The following ARRDC4 variants were observed in gnomAD, a reference collection of about 807,000 sequenced individuals.
The protein encoded by ARRDC4 is arrestin domain containing 4.
A neutral mutation model predicts 44.6 loss-of-function variants in ARRDC4; 40 were observed. The ratio of observed to expected loss-of-function variants is 0.90; its 90% CI spans 0.70 to 1.17. The LOEUF is 1.17. ARRDC4 is among the 50% of genes most tolerant of loss of function. The pLI is 0.00. For synonymous variants in ARRDC4, 211 were observed against 221.2 expected (o/e 0.95, Z 0.41); for missense variants, 550 against 559.1 (o/e 0.98, Z 0.16).
rs1899418701 is a variant in ARRDC4, at chr15:97,966,275, TC to T, written c.522+234del. Among the ~76,000 whole-genome samples, 1 of 152,198 alleles carries T rather than the reference TC, an allele frequency of 6.6e-6. No homozygotes were observed. The highest frequency in any genetic ancestry group is 2.1e-4 in the South Asian group (1 of 4,826). ...ATACTATTGATTATGTCCCTGCTGT[TC>T]AGGGCTTCTTTTGCCAAAAAGTTAC... On this transcript the variant is annotated intron_variant, in intron 3 of 7. Coordinates refer to ENST00000268042, the MANE Select transcript of ARRDC4 (RefSeq NM_183376.3). This position sits in a 1 kb window ranked among gnomAD's most constrained non-coding sequence, Gnocchi z 4.7.
chr15:97,963,737 T>G (rs12440256), intron 1 of ARRDC4, among the ~76,000 whole-genome samples: 1 of 152,122 alleles, frequency 6.6e-6, no homozygotes, highest in Non-Finnish European at 1.5e-5. Context: ...GAGGATTATC[T>G]GCGGTGCCTG....
chr15:97,970,005 T>A lies in ARRDC4; in HGVS notation c.1005T>A (p.Asp335Glu). 1 of 1,613,302 alleles carries A rather than the reference T, an allele frequency of 6.2e-7. No individual in the cohort carries two copies. Among genetic ancestry groups the A allele is most frequent in the Admixed American group, 1.7e-5 (1 of 59,912 alleles). Residue 335 changes from aspartate (D) to glutamate (E), a missense_variant, in exon 6 of 8, where the codon GAT becomes GAA. Coordinates refer to ENST00000268042, the MANE Select transcript of ARRDC4 (RefSeq NM_183376.3). This position sits in a 1 kb window ranked among gnomAD's most constrained non-coding sequence, Gnocchi z 4.2. ...GCATTGCCAGCCAGTTCAGTATGGA[T>A]ATGAGCTGGTTGACACTGACCCTGC... ...NSSIASQFSMDMSWLTLTLPE... is the reference protein window; with the variant it reads ...NSSIASQFSMEMSWLTLTLPE...
At chr15:97,969,045 G>A in intron 4 of ARRDC4, 78 bp from the exon 5 acceptor site, 1 of 1,415,004 alleles carries the variant, frequency 7.1e-7, no homozygotes. Flanking sequence ...GAACATTTCA[G>A]CTATACGGCC....
At chr15:97,961,585 A>T (rs890511415) in intron 1 of ARRDC4, among the ~76,000 whole-genome samples, 1 of 152,302 alleles carries the variant, frequency 6.6e-6, no homozygotes, top group Admixed American at 6.5e-5. Context: ...CCTATCCTGC[A>T]TACGTTCTTG....
chr15:97,970,766 A>C lies in ARRDC4; in HGVS notation c.1200+23A>C. Reference sequence around the variant, plus strand: ...GAGGTAAGCAAAGCAAAAGAAAATTAGACTTTTACTGTATTATTTTCAAAT... The same window carrying C: ...GAGGTAAGCAAAGCAAAAGAAAATTCGACTTTTACTGTATTATTTTCAAAT... On this transcript the variant is annotated intron_variant, in intron 7 of 7. Coordinates refer to ENST00000268042, the MANE Select transcript of ARRDC4 (RefSeq NM_183376.3). This position sits in a 1 kb window ranked among gnomAD's most constrained non-coding sequence, Gnocchi z 4.2. 6.3e-7 allele frequency: 1 copy of C among 1,598,988 alleles called. No individual in the cohort carries two copies. The highest frequency in any genetic ancestry group is 1.1e-5 in the South Asian group (1 of 89,562).
intron 1 of ARRDC4, 58 bp downstream of exon 1, chr15:97,961,226 T>C: frequency 7.5e-7 from 1 of 1,336,390 alleles, no homozygotes; most frequent in Non-Finnish European, 9.5e-7. Flanking sequence ...GGGGAGGGGC[T>C]GGGAGGCCGC....
At position 97,970,653 on chromosome 15, in the gene ARRDC4, T is replaced by C. The variant is rs1436457283; in HGVS notation, c.1110T>C (p.Pro370=). Residue 370 remains proline (P), a synonymous_variant, in exon 7 of 8, where the codon CCT becomes CCC. Coordinates refer to ENST00000268042, the MANE Select transcript of ARRDC4 (RefSeq NM_183376.3). This position sits in a 1 kb window ranked among gnomAD's most constrained non-coding sequence, Gnocchi z 4.2. ...EEFSRHIPPY[P]QPPNCEGEVC... is the part of the protein sequence containing the mutation. ...TCTCTAGACACATTCCTCCTTACCC[T>C]CAACCCCCTAACTGTGAGGGAGAAG... 1 of 1,613,412 alleles carries C rather than the reference T, an allele frequency of 6.2e-7. No homozygotes were observed. Among genetic ancestry groups the C allele is most frequent in the Non-Finnish European group, 8.5e-7 (1 of 1,179,598 alleles).
chr15:97,969,328 T>TAA lies in ARRDC4; in HGVS notation c.832_833insAA (p.Thr278LysfsTer17). 6.2e-7 allele frequency: 1 copy of TAA among 1,613,892 alleles called. No individual in the cohort carries two copies. The highest frequency in any genetic ancestry group is 8.5e-7 in the Non-Finnish European group (1 of 1,179,830). ...GGAAAACGCTAAAAATCCCACCTGT[T>TAA]ACTCCATCCATCCTGGATTGCTGCA... On this transcript the variant is annotated frameshift_variant, in exon 5 of 8. Coordinates refer to ENST00000268042, the MANE Select transcript of ARRDC4 (RefSeq NM_183376.3). LOFTEE classifies it high-confidence loss of function.
rs1899302223 is a variant in ARRDC4 at position 97,960,992 on chromosome 15, TGGAGGCGTCCGAGCC to T, written c.134_148del (p.Glu45_Pro49del). ...GAGACAGTGGCCGGGCACGTGCTGC[TGGAGGCGTCCGAGCC>T]GGTGGCCCTGCGCGCGCTGCGCCTG... is the stretch of plus-strand genomic sequence containing the variant. On this transcript the variant is annotated inframe_deletion, in exon 1 of 8. Transcript: ENST00000268042. The T allele has an allele frequency of 6.9e-7, 1 of 1,454,840 alleles. No homozygotes were observed. The highest frequency in any genetic ancestry group is 1.5e-5 in the African/African-American group (1 of 68,154). 90.1% of individuals were successfully genotyped at this position (1,454,840 alleles called of 1,614,324 possible).
rs922132796 is a variant in ARRDC4 at position 97,965,544 on chromosome 15, A to G, written c.308-56A>G. On this transcript the variant is annotated intron_variant, in intron 1 of 7. Transcript: ENST00000268042. The surrounding 1 kb of genome is among the most constrained non-coding windows in gnomAD (Gnocchi z 5.1). The stretch of plus-strand genomic sequence containing the variant: ...TTCAAAAAATTATTTACATTGTGAA[A>G]ACTCTTGATCTAATACTAACTATCC... 4 of 1,404,574 alleles carry G rather than the reference A, an allele frequency of 2.8e-6. No homozygotes were observed. In the Admixed American group the frequency reaches 7.2e-5, roughly 25 times the overall value. The allele number at this position is 1,404,574 out of a possible 1,614,324, so 87.0% of individuals were successfully genotyped here.
chr15:97,970,116 T>C lies in ARRDC4; in HGVS notation c.1045+71T>C, dbSNP rs934292154. The stretch of plus-strand genomic sequence containing the variant: ...ATACCTAGGAACAGAATATATACAC[T>C]ATTAAGTGCTCAGATGTTGATGAGT... On this transcript the variant is annotated intron_variant, in intron 6 of 7. Transcript: ENST00000268042. The surrounding 1 kb of genome is among the most constrained non-coding windows in gnomAD (Gnocchi z 4.2). The C allele has an allele frequency of 1.2e-5, 18 of 1,455,484 alleles. No individual in the cohort carries two copies. Among genetic ancestry groups the C allele is most frequent in the Non-Finnish European group, 1.7e-5 (18 of 1,074,594 alleles). 90.2% of individuals were successfully genotyped at this position (1,455,484 alleles called of 1,614,324 possible).
At position 97,967,541 on chromosome 15, in the gene ARRDC4, GAAGT is replaced by G. The variant is rs1430602113; in HGVS notation, c.523-468_523-465del. ...AAATTTCTGCTTGATAATGCATTTT[GAAGT>G]AAGTGGTGGGAAAAGGCTGTTTGTT... On this transcript the variant is annotated intron_variant, in intron 3 of 7. Transcript: ENST00000268042. This position sits in a 1 kb window ranked among gnomAD's most constrained non-coding sequence, Gnocchi z 5.0. Among the ~76,000 whole-genome samples, 1 of 152,030 alleles carries G rather than the reference GAAGT, an allele frequency of 6.6e-6. No homozygotes were observed. Among genetic ancestry groups the G allele is most frequent in the African/African-American group, 2.4e-5 (1 of 41,380 alleles).
rs1044663459 is a variant in ARRDC4 at position 97,972,832 on chromosome 15, T to C, written c.*1645T>C. 6.6e-6 allele frequency: 1 copy of C among 152,638 alleles called. No individual in the cohort carries two copies. Among genetic ancestry groups the C allele is most frequent in the Admixed American group, 6.5e-5 (1 of 15,272 alleles). 9.5% of individuals were successfully genotyped at this position (152,638 alleles called of 1,614,324 possible). ...TTGGCCATTTGATCAGGGAATTTTC[T>C]ACACACATTAGGCAAATGTATGCTT... On this transcript the variant is annotated 3_prime_UTR_variant, in exon 8 of 8. Coordinates refer to ENST00000268042, the MANE Select transcript of ARRDC4 (RefSeq NM_183376.3). This position sits in a 1 kb window ranked among gnomAD's most constrained non-coding sequence, Gnocchi z 5.3.
In ARRDC4 at chr15:97,970,405, A is replaced by G. The variant is rs1017326589; in HGVS notation, c.1046-184A>G. ...TCAAGAGACTAGAATAGAAGCTATT[A>G]GTAGTAGTTTAATAAAAGGAGAATC... On this transcript the variant is annotated intron_variant, in intron 6 of 7. Transcript: ENST00000268042. This position sits in a 1 kb window ranked among gnomAD's most constrained non-coding sequence, Gnocchi z 4.2. Among the ~76,000 whole-genome samples, 2 of 152,190 alleles carry G rather than the reference A, an allele frequency of 1.3e-5. No homozygotes were observed. Among genetic ancestry groups the G allele is most frequent in the East Asian group, 1.9e-4 (1 of 5,198 alleles).
rs922852433 is a variant in ARRDC4 at position 97,971,433 on chromosome 15, A to G, written c.*246A>G. On this transcript the variant is annotated 3_prime_UTR_variant, in exon 8 of 8. Coordinates refer to ENST00000268042, the MANE Select transcript of ARRDC4 (RefSeq NM_183376.3). The stretch of plus-strand genomic sequence containing the variant: ...GGATGAAGATGTGCAAAGTCACAGA[A>G]TGTAATGGAAGTCCTGATGGTTACA... 1.0e-5 allele frequency: 5 copies of G among 484,670 alleles called. No individual in the cohort carries two copies. Among genetic ancestry groups the G allele is most frequent in the Non-Finnish European group, 1.1e-5 (3 of 266,362 alleles). The allele number at this position is 484,670 out of a possible 1,614,324, so 30.0% of individuals were successfully genotyped here.
Position 97,960,936 on chromosome 15 carries a change from G to A in ARRDC4, c.75G>A (p.Glu25=). 1 of 1,467,130 alleles carries A rather than the reference G, an allele frequency of 6.8e-7. No homozygotes were observed. Among genetic ancestry groups the A allele is most frequent in the South Asian group, 1.3e-5 (1 of 75,898 alleles). 90.9% of individuals were successfully genotyped at this position (1,467,130 alleles called of 1,614,324 possible). ...GRVKSLGLVF[E]DERKGCYSSG... is the part of the protein sequence containing the mutation. ...TGAAGAGCCTGGGTCTGGTGTTCGAGGACGAGCGCAAGGGCTGCTATTCCA... is the reference window on the plus strand; with the variant it reads ...TGAAGAGCCTGGGTCTGGTGTTCGAAGACGAGCGCAAGGGCTGCTATTCCA... Residue 25 remains glutamate (E), a synonymous_variant, in exon 1 of 8, where the codon GAG becomes GAA. Transcript: ENST00000268042.
Position 97,968,678 on chromosome 15 carries a change from C to CGGA in ARRDC4, c.626-445_626-444insGGA. Among the ~76,000 whole-genome samples, 1 of 152,170 alleles carries CGGA rather than the reference C, an allele frequency of 6.6e-6. No individual in the cohort carries two copies. Among genetic ancestry groups the CGGA allele is most frequent in the Non-Finnish European group, 1.5e-5 (1 of 68,022 alleles). ...TGCAGCCATAATGTTATAAAACTTG[C>CGGA]CTAATCCATCCGTTGATTCTTTCTG... On this transcript the variant is annotated intron_variant, in intron 4 of 7. Coordinates refer to ENST00000268042, the MANE Select transcript of ARRDC4 (RefSeq NM_183376.3). This position sits in a 1 kb window ranked among gnomAD's most constrained non-coding sequence, Gnocchi z 5.4.
In ARRDC4 at chr15:97,966,524, T is replaced by C. The variant is rs1467568692; in HGVS notation, c.522+482T>C. ...TCCTTCCATTTTGCATGTCATTTTC[T>C]AACATTAAGTAAGTGCATGCAGCTG... On this transcript the variant is annotated intron_variant, in intron 3 of 7. Transcript: ENST00000268042. This position sits in a 1 kb window ranked among gnomAD's most constrained non-coding sequence, Gnocchi z 4.7. Among the ~76,000 whole-genome samples, 2 of 152,204 alleles carry C rather than the reference T, an allele frequency of 1.3e-5. No homozygotes were observed. Among genetic ancestry groups the C allele is most frequent in the Admixed American group, 6.5e-5 (1 of 15,272 alleles).
In ARRDC4 at chr15:97,970,449, G is replaced by T; in HGVS notation, c.1046-140G>T. The T allele has an allele frequency of 1.3e-6, 1 of 789,830 alleles. No homozygotes were observed. The highest frequency in any genetic ancestry group is 2.0e-5 in the South Asian group (1 of 50,664). 48.9% of individuals were successfully genotyped at this position (789,830 alleles called of 1,614,324 possible). A position where few individuals can be genotyped will look rare whatever the true frequency, so the allele number is the denominator to read the frequency against. On this transcript the variant is annotated intron_variant, in intron 6 of 7. Transcript: ENST00000268042. The surrounding 1 kb of genome is among the most constrained non-coding windows in gnomAD (Gnocchi z 4.2). Reference sequence around the variant, plus strand: ...GAGAATCTATTTTTTATTGTAATATGCATAAAACCTTGCTGATTAGAGGGA... The same window carrying T: ...GAGAATCTATTTTTTATTGTAATATTCATAAAACCTTGCTGATTAGAGGGA...
Sources: gnomAD v4.1 joint callset for allele counts (sites outside exome capture counted in the v4.1 genomes callset) on GRCh38, gnomAD v4.1.1 for gene constraint, Gnocchi (gnomAD v3.1) non-coding constraint, MANE v1.5 for transcripts, NCBI Gene and HGNC (gene_info 2026-07-23, HGNC 2026-07-21) for gene names.